The following ANK2 variants were observed in gnomAD, a reference collection of about 807,000 sequenced individuals.
ANK2 encodes the protein ankyrin 2.
Under a neutral mutation model 360.5 loss-of-function variants are expected in ANK2, and 83 were observed. The observed-to-expected ratio is 0.23, with a 90% CI of 0.19 to 0.28. The LOEUF (loss-of-function observed/expected upper bound fraction) is 0.28, where lower values mean the gene tolerates loss of function less well. Ranked by LOEUF, ANK2 falls within the 10% of genes least tolerant of loss-of-function variation. ANK2 has a pLI of 1.00. For missense variants in ANK2, 4,201 were observed against 4,795.7 expected (o/e 0.88, Z 3.66); for synonymous variants, 1,740 against 1,759.5 (o/e 0.99, Z 0.28).
chr4:113,234,365 A>C (rs1049254582), intron 5 of ANK2, among the ~76,000 whole-genome samples: 3 of 152,236 alleles, frequency 2.0e-5, no homozygotes, highest in African/African-American at 7.2e-5. Flanking sequence ...TAGCTTAGAC[A>C]CATTATATAC....
intron 1 of ANK2, among the ~76,000 whole-genome samples, chr4:113,125,230 T>G (rs930397936): frequency 1.5e-4 from 23 of 152,294 alleles, no homozygotes; most frequent in African/African-American, 5.3e-4. Context: ...AAAGTCTATT[T>G]TTTAGCGAAA....
In ANK2 at chr4:113,240,467, A is replaced by G. The variant is rs1382384010; in HGVS notation, c.694-18A>G. Reference sequence around the variant, plus strand: ...AAAGTGAAGCGCTATACTGACTGTCATATCTTTGCTTTCATAGAGTGGTTT... The same window carrying G: ...AAAGTGAAGCGCTATACTGACTGTCGTATCTTTGCTTTCATAGAGTGGTTT... On this transcript the variant is annotated intron_variant, in intron 7 of 45. Transcript: ENST00000357077. 9.4e-6 allele frequency: 15 copies of G among 1,587,714 alleles called. No individual in the cohort carries two copies. Among genetic ancestry groups the G allele is most frequent in the Non-Finnish European group, 1.3e-5 (15 of 1,155,918 alleles).
chr4:113,340,640 T>C (rs2094164084), intron 32 of ANK2, among the ~76,000 whole-genome samples: 2 of 152,278 alleles, frequency 1.3e-5, no homozygotes, highest in South Asian at 4.1e-4. Flanking sequence ...GAGGCTGCAG[T>C]GAGCCGTGAT....
intron 2 of ANK2, among the ~76,000 whole-genome samples, chr4:113,187,481 G>A (rs563908851): frequency 6.6e-6 from 1 of 152,188 alleles, no homozygotes; most frequent in Non-Finnish European, 1.5e-5. Flanking sequence ...TCTTAAAAAA[G>A]ACACTAGTTT....
chr4:112,760,386 A>G, the ANK2 span, among the ~76,000 whole-genome samples: 1 of 151,422 alleles, frequency 6.6e-6, no homozygotes, highest in South Asian at 2.1e-4. Flanking sequence ...ACAGGGTTTC[A>G]CCGTGTTAGC....
At chr4:112,827,119 G>A in intron 1 of ANK2, 2 of 1,080,180 alleles carry the variant, frequency 1.9e-6, no homozygotes, top group Non-Finnish European at 2.9e-6. Flanking sequence ...AAAACTGACT[G>A]CAATTGCTCA....
At chr4:113,106,826 A>C (rs78892203) in intron 1 of ANK2, 1 of 513,684 alleles carries the variant, frequency 1.9e-6, no homozygotes, top group African/African-American at 2.0e-5. Flanking sequence ...GTACTCTTTT[A>C]TTTTATTCCT....
Position 113,156,796 on chromosome 4 carries a change from A to T in ANK2, c.85-17620A>T, listed in dbSNP as rs950753696. Among the ~76,000 whole-genome samples the T allele has an allele frequency of 7.4e-5, 11 of 149,432 alleles. No individual in the cohort carries two copies. The South Asian group carries it at 1.7e-3, about 23-fold the overall frequency. On this transcript the variant is annotated intron_variant, in intron 1 of 45. Coordinates refer to ENST00000357077, the MANE Select transcript of ANK2 (RefSeq NM_001148.6). Reference sequence around the variant, plus strand: ...TCAAATGTCCTATATATATATATATATTATATATATAAAATGTATGTGTGT... The same window carrying T: ...TCAAATGTCCTATATATATATATATTTTATATATATAAAATGTATGTGTGT...
intron 1 of ANK2, among the ~76,000 whole-genome samples, chr4:113,131,373 G>A (rs2096021097): frequency 6.6e-6 from 1 of 152,158 alleles, no homozygotes; most frequent in Admixed American, 6.5e-5. Flanking sequence ...TGAATGCAAT[G>A]CTCCTGCAAT....
the ANK2 span, among the ~76,000 whole-genome samples, chr4:112,764,254 T>G: frequency 2.0e-5 from 3 of 152,162 alleles, no homozygotes; most frequent in African/African-American, 7.2e-5. Context: ...CCTCTGGCTT[T>G]CATGATTATT....
At chr4:112,984,462 AG>A in intron 2 of ANK2, among the ~76,000 whole-genome samples, 1 of 152,272 alleles carries the variant, frequency 6.6e-6, no homozygotes, top group Middle Eastern at 3.4e-3. Flanking sequence ...AGATCTCATG[AG>A]ACTTACTATC....
intron 1 of ANK2, among the ~76,000 whole-genome samples, chr4:112,829,698 G>A (rs1264552308): frequency 2.0e-5 from 3 of 151,506 alleles, no homozygotes; most frequent in Middle Eastern, 3.3e-3. Context: ...ACTCACACCT[G>A]TAATCCCAGC....
At chr4:112,949,149 A>C (rs2094763081) in intron 2 of ANK2, among the ~76,000 whole-genome samples, 1 of 152,136 alleles carries the variant, frequency 6.6e-6, no homozygotes, top group Non-Finnish European at 1.5e-5. Flanking sequence ...AGATGACATA[A>C]GCCTAGATAT....
chr4:113,246,739 G>C (rs362499), intron 9 of ANK2, among the ~76,000 whole-genome samples: 4,287 of 152,228 alleles, frequency 0.028, 99 homozygotes, highest in East Asian at 0.068. Context: ...AATTAAAGCA[G>C]TAACAATAAT....
intron 1 of ANK2, among the ~76,000 whole-genome samples, chr4:112,878,263 C>G (rs1195640619): frequency 6.6e-6 from 1 of 151,906 alleles, no homozygotes; most frequent in Non-Finnish European, 1.5e-5. Context: ...AACTCATTAC[C>G]ATCTCCTACT....
At chr4:112,715,506 A>G in the ANK2 span, among the ~76,000 whole-genome samples, 1 of 152,232 alleles carries the variant, frequency 6.6e-6, no homozygotes, top group Admixed American at 6.5e-5. Context: ...AGGACTTAGC[A>G]CGTTATTTTT....
intron 2 of ANK2, among the ~76,000 whole-genome samples, chr4:112,926,571 T>G (rs571398817): frequency 6.6e-6 from 1 of 152,350 alleles, no homozygotes; most frequent in Admixed American, 6.5e-5. Flanking sequence ...CCTCCAGGAA[T>G]TATCTGATTC....
intron 13 of ANK2, among the ~76,000 whole-genome samples, chr4:113,263,259 A>C (rs2054086676): frequency 6.6e-6 from 1 of 150,758 alleles, no homozygotes; most frequent in Non-Finnish European, 1.5e-5. Context: ...GATATGGAAA[A>C]CAAGTTAGAA....
chr4:113,347,338 A>G (rs532348469), intron 35 of ANK2, among the ~76,000 whole-genome samples: 2 of 152,268 alleles, frequency 1.3e-5, no homozygotes, highest in East Asian at 3.9e-4. Context: ...GCATAATTTC[A>G]TTGTATTTTG....
Sources: gnomAD v4.1 joint callset for allele counts (sites outside exome capture counted in the v4.1 genomes callset) on GRCh38, gnomAD v4.1.1 for gene constraint, MANE v1.5 for transcripts, NCBI Gene and HGNC (gene_info 2026-07-23, HGNC 2026-07-21) for gene names.